Variants in SNX13 observed in about 807,000 individuals in gnomAD.
SNX13 encodes sorting nexin 13, also known as sorting nexin-13.
Under a neutral mutation model 133.6 loss-of-function variants are expected in SNX13, and 45 were observed. The ratio of observed to expected loss-of-function variants is 0.34; its 90% CI spans 0.27 to 0.43. SNX13 has a LOEUF of 0.43. Ranked by LOEUF, SNX13 falls within the 20% of genes least tolerant of loss-of-function variation. The probability of loss-of-function intolerance (pLI) is 1.00; values close to 1 mark genes in which losing one functional copy is unlikely to be tolerated. For synonymous variants in SNX13, 414 were observed against 373.9 expected, an observed-to-expected ratio of 1.11 and a Z score of -1.24; for missense variants, 1,032 against 1,145.1, an observed-to-expected ratio of 0.90 and a Z score of 1.43.
Position 17,839,964 on chromosome 7 carries a change from A to T in SNX13, c.1202T>A (p.Phe401Tyr). 1.9e-6 allele frequency: 3 copies of T among 1,611,212 alleles called. No homozygotes were observed. The highest frequency in any genetic ancestry group is 2.5e-6 in the Non-Finnish European group (3 of 1,178,252). Reference protein sequence around the residue: ...MQQTGGQAHLFFWMTVEGYRV... With the variant: ...MQQTGGQAHLYFWMTVEGYRV... Reference sequence around the variant, plus strand: ...GTATCCTTCCACTGTCATCCAAAAGAATAGATGTGCTTGACCTCCAGTTTG... The same window carrying T: ...GTATCCTTCCACTGTCATCCAAAAGTATAGATGTGCTTGACCTCCAGTTTG... Residue 401 changes from phenylalanine (F) to tyrosine (Y), a missense_variant, in exon 13 of 26, where the codon TTC becomes TAC. Phe to Tyr is a conservative substitution (Grantham distance 22). Transcript: ENST00000428135.
intron 9 of SNX13, among the ~76,000 whole-genome samples, chr7:17,864,627 G>GA (rs933914634): frequency 1.6e-4 from 24 of 151,694 alleles, no homozygotes; most frequent in Non-Finnish European, 2.1e-4. Flanking sequence ...TTAAAACCCA[G>GA]AAAAAAACAT....
At chr7:17,888,399 G>T in intron 5 of SNX13, 1 of 216,632 alleles carries the variant, frequency 4.6e-6, no homozygotes, top group Non-Finnish European at 9.3e-6. Context: ...GTGACTAGGG[G>T]ATCAAAAACA....
chr7:17,899,595 T>A (rs1206798766), intron 1 of SNX13: 4 of 151,894 alleles, frequency 2.6e-5, no homozygotes, highest in Non-Finnish European at 5.9e-5. Flanking sequence ...GAAATTCTGA[T>A]GCATTCGTCA....
intron 13 of SNX13, among the ~76,000 whole-genome samples, chr7:17,839,041 A>G (rs1459081272): frequency 6.7e-6 from 1 of 149,752 alleles, no homozygotes; most frequent in Non-Finnish European, 1.5e-5. Context: ...GAATTATTAC[A>G]ATATTATTAG....
intron 21 of SNX13, among the ~76,000 whole-genome samples, chr7:17,802,179 G>A (rs1784718055): frequency 6.6e-6 from 1 of 152,044 alleles, no homozygotes. Context: ...TAGGTGAGAA[G>A]TAGGTTTGTG....
At chr7:17,865,565 T>C (rs1434980535) in intron 9 of SNX13, among the ~76,000 whole-genome samples, 1 of 152,136 alleles carries the variant, frequency 6.6e-6, no homozygotes, top group Non-Finnish European at 1.5e-5. Flanking sequence ...CAAAAAGCAA[T>C]CTGCAAATTC....
chr7:17,823,173 T>C (rs1715559197), intron 17 of SNX13, among the ~76,000 whole-genome samples: 1 of 152,104 alleles, frequency 6.6e-6, no homozygotes, highest in Admixed American at 6.5e-5. Context: ...CCCCTTCAAT[T>C]CTCTGAATTT....
chr7:17,863,889 GA>G (rs1477782341), intron 9 of SNX13, among the ~76,000 whole-genome samples: 1 of 152,174 alleles, frequency 6.6e-6, no homozygotes, highest in Non-Finnish European at 1.5e-5. Flanking sequence ...GTAACCTAGG[GA>G]ATTCTCCTTT....
rs1167765582 is a variant in SNX13, at chr7:17,826,175, A to C, written c.1636-84T>G. On this transcript the variant is annotated intron_variant, in intron 16 of 25. Coordinates refer to ENST00000428135, the MANE Select transcript of SNX13 (RefSeq NM_015132.5). ...AAGAATTCTACATCATATATGCATT[A>C]CAATTACTCATTTCCCTGCATGTAA... The C allele has an allele frequency of 5.3e-6, 4 of 751,034 alleles. No homozygotes were observed. The East Asian group carries it at 1.1e-4, about 21-fold the overall frequency. The allele number at this position is 751,034 out of a possible 1,614,324, so 46.5% of individuals were successfully genotyped here.
intron 1 of SNX13, among the ~76,000 whole-genome samples, chr7:17,909,554 C>T (rs1205473632): frequency 6.6e-6 from 1 of 152,190 alleles, no homozygotes; most frequent in Non-Finnish European, 1.5e-5. Context: ...AGATCACATC[C>T]TTTGTAGGGA....
At chr7:17,845,444 G>A (rs190626459) in intron 12 of SNX13, 151 bp downstream of exon 12, 1 of 500,790 alleles carries the variant, frequency 2.0e-6, no homozygotes, top group Non-Finnish European at 3.5e-6. Context: ...AACAGTTCTG[G>A]AGACTCTGTA....
intron 9 of SNX13, among the ~76,000 whole-genome samples, chr7:17,853,594 G>C (rs1176661694): frequency 6.6e-6 from 1 of 152,118 alleles, no homozygotes; most frequent in Non-Finnish European, 1.5e-5. Context: ...CTTCAAACTT[G>C]GCAGTAAATG....
rs1481114442 is a variant in SNX13 at position 17,792,282 on chromosome 7, G to T, written c.*1763C>A. 2.6e-5 allele frequency: 4 copies of T among 151,906 alleles called. No individual in the cohort carries two copies. The allele number at this position is 151,906 out of a possible 1,614,324, so 9.4% of individuals were successfully genotyped here. A position where few individuals can be genotyped will look rare whatever the true frequency, so the allele number is the denominator to read the frequency against. On this transcript the variant is annotated 3_prime_UTR_variant, in exon 26 of 26. Coordinates refer to ENST00000428135, the MANE Select transcript of SNX13 (RefSeq NM_015132.5). Reference sequence around the variant, plus strand: ...GCTCAGGGAGGGGCCAAGGCAGGGAGACACCCTGAGAAGAAGAAATACTAT... The same window carrying T: ...GCTCAGGGAGGGGCCAAGGCAGGGATACACCCTGAGAAGAAGAAATACTAT...
In SNX13 at chr7:17,807,926, A is replaced by T. The variant is rs1403197592; in HGVS notation, c.2065-4346T>A. Among the ~76,000 whole-genome samples, 3 of 152,212 alleles carry T rather than the reference A, an allele frequency of 2.0e-5. No homozygotes were observed. In the East Asian group the frequency reaches 5.8e-4, roughly 29 times the overall value. ...AACAGCATCAACATCAACAAAAAGG[A>T]CATCCACACAGAAACCCATCTGAAG... On this transcript the variant is annotated intron_variant, in intron 20 of 25. Coordinates refer to ENST00000428135, the MANE Select transcript of SNX13 (RefSeq NM_015132.5).
chr7:17,850,533 C>G, intron 10 of SNX13, 98 bp from the exon 11 acceptor site: 1 of 713,700 alleles, frequency 1.4e-6, no homozygotes, highest in South Asian at 2.5e-5. Context: ...ACCAATAATA[C>G]AGCAACTGTT....
intron 18 of SNX13, among the ~76,000 whole-genome samples, chr7:17,821,202 C>T (rs1294826730): frequency 6.6e-6 from 1 of 151,968 alleles, no homozygotes; most frequent in Non-Finnish European, 1.5e-5. Flanking sequence ...CAATCTAAGC[C>T]CAAAAAACTT....
chr7:17,848,966 G>T (rs1235248901), intron 11 of SNX13, among the ~76,000 whole-genome samples: 1 of 152,108 alleles, frequency 6.6e-6, no homozygotes, highest in African/African-American at 2.4e-5. Context: ...TCTGTTCATT[G>T]AAGTGTAGTA....
At chr7:17,841,131 ATCAAAGAGG>A (rs1789820862) in intron 12 of SNX13, among the ~76,000 whole-genome samples, 1 of 152,074 alleles carries the variant, frequency 6.6e-6, no homozygotes, top group Non-Finnish European at 1.5e-5. Flanking sequence ...GCTGCTTCTG[ATCAAAGAGG>A]TGCAGACAAA....
At chr7:17,886,479 A>C (rs1232454552) in intron 5 of SNX13, among the ~76,000 whole-genome samples, 9 of 152,022 alleles carry the variant, frequency 5.9e-5, no homozygotes, top group African/African-American at 2.2e-4. Context: ...GGGGCAGAAG[A>C]ATTGCTTGAA....
Sources: allele counts gnomAD v4.1 joint callset (sites outside exome capture counted in the v4.1 genomes callset), GRCh38; gene constraint gnomAD v4.1.1; transcripts MANE v1.5; gene names NCBI Gene and HGNC (gene_info 2026-07-23, HGNC 2026-07-21).